PJA2: variants seen among roughly 807,000 people sequenced by gnomAD.
PJA2 encodes praja ring finger ubiquitin ligase 2.
In PJA2, 25 loss-of-function variants were observed where a neutral mutation model predicts 69.3. The ratio of observed to expected loss-of-function variants is 0.36; its 90% CI spans 0.26 to 0.50. The LOEUF is 0.50. PJA2 is among the 20% of genes least tolerant of loss of function. PJA2 has a pLI of 0.96. For synonymous variants in PJA2, 308 were observed against 277.8 expected (o/e 1.11, Z -1.08); for missense variants, 809 against 830.2 (o/e 0.97, Z 0.31).
chr5:109,397,990 A>C (rs957582123), intron 1 of PJA2, among the ~76,000 whole-genome samples: 2 of 152,234 alleles, frequency 1.3e-5, no homozygotes, highest in African/African-American at 4.8e-5. Flanking sequence ...AAGTGGGTGA[A>C]GGATAGGAAC....
At chr5:109,402,099 TAA>T (rs1035601677) in intron 1 of PJA2, among the ~76,000 whole-genome samples, 22 of 152,104 alleles carry the variant, frequency 1.4e-4, no homozygotes, top group African/African-American at 5.1e-4. Context: ...ATTAACTTTT[TAA>T]AAGAGAGGAA....
intron 3 of PJA2, among the ~76,000 whole-genome samples, chr5:109,381,294 T>C (rs576044867): frequency 6.6e-6 from 1 of 152,312 alleles, no homozygotes; most frequent in East Asian, 1.9e-4. Flanking sequence ...TATATTTTAA[T>C]GATTGGCTGT....
chr5:109,367,143 A>ATATAT (rs1554054262), intron 5 of PJA2, among the ~76,000 whole-genome samples: 3 of 143,214 alleles, frequency 2.1e-5, no homozygotes, highest in Non-Finnish European at 4.5e-5. Context: ...CAAAAAAAAA[A>ATATAT]ATATATATAT....
intron 1 of PJA2, among the ~76,000 whole-genome samples, chr5:109,406,460 A>T (rs1747695494): frequency 6.6e-6 from 1 of 152,240 alleles, no homozygotes; most frequent in East Asian, 1.9e-4. Flanking sequence ...TGCAAATCAA[A>T]ATCCCAGTAT....
At position 109,381,615 on chromosome 5, in the gene PJA2, A is replaced by G; in HGVS notation, c.120T>C (p.His40=). 4 of 1,614,146 alleles carry G rather than the reference A, an allele frequency of 2.5e-6. No individual in the cohort carries two copies. The highest frequency in any genetic ancestry group is 3.4e-6 in the Non-Finnish European group (4 of 1,180,018). The part of the protein sequence containing the change: ...TITGRRYGRR[H]AYVSFKPCMT... ...TACATGGTTTAAAACTGACATAAGC[A>G]TGTCTTCTTCCATATCTCCTGCCTG... is the stretch of plus-strand genomic sequence containing the variant. Residue 40 remains histidine, a synonymous_variant, in exon 3 of 10, where the codon CAT becomes CAC. Coordinates refer to ENST00000361189, the MANE Select transcript of PJA2 (RefSeq NM_014819.5).
chr5:109,356,187 G>C (rs1412027804), intron 6 of PJA2, among the ~76,000 whole-genome samples, 161 bp from the exon 7 acceptor site: 1 of 152,102 alleles, frequency 6.6e-6, no homozygotes, highest in African/African-American at 2.4e-5. Context: ...AGGGGCAGGA[G>C]GGACCCAACA....
chr5:109,338,456 A>G (rs1353655061), intron 9 of PJA2, among the ~76,000 whole-genome samples: 5 of 152,084 alleles, frequency 3.3e-5, no homozygotes, highest in African/African-American at 9.7e-5. Flanking sequence ...CCTGGGCAAC[A>G]TGGTGAAACC....
At position 109,356,023 on chromosome 5, in the gene PJA2, T is replaced by G. The variant is rs1762406914; in HGVS notation, c.1656A>C (p.Leu552=). 1 of 1,594,412 alleles carries G rather than the reference T, an allele frequency of 6.3e-7. No individual in the cohort carries two copies. Among genetic ancestry groups the G allele is most frequent in the Non-Finnish European group, 8.5e-7 (1 of 1,174,462 alleles). The change falls in exon 7 of 10, where the codon CTA becomes CTC. Residue 552 remains leucine, a synonymous_variant. Transcript: ENST00000361189. ...VSEDLDVDWS[L]FDGFADGLGV... ...CTAGTCCATCTGCAAAGCCATCAAA[T>G]AGGCTGAAAAAAAAAAAAAATAACA...
intron 1 of PJA2, among the ~76,000 whole-genome samples, chr5:109,393,194 C>T (rs1328471067): frequency 6.6e-6 from 1 of 152,080 alleles, no homozygotes; most frequent in Non-Finnish European, 1.5e-5. Context: ...CTGAGACGCA[C>T]TCCAGAAAAG....
rs1483866123 is a variant in PJA2 at position 109,337,316 on chromosome 5, G to A, written c.2042C>T (p.Ala681Val). ...AGGAGCTGCAGATGCTTCAATAACC[G>A]CAGGTGGGAAATGACGGCGGCACAC... ...CPVCRRHFPP[A>V]VIEASAAPSS... Residue 681 changes from alanine (A) to valine (V), a missense_variant, in exon 10 of 10, where the codon GCG (alanine) becomes GTG (valine). Around this residue, in one of 4 missense-constraint regions of PJA2, gnomAD observed 35 missense variants for 37.0 expected, o/e 0.94. Transcript: ENST00000361189. The A allele has an allele frequency of 1.2e-5, 19 of 1,612,880 alleles. No homozygotes were observed. Among genetic ancestry groups the A allele is most frequent in the Middle Eastern group, 1.7e-4 (1 of 6,052 alleles).
chr5:109,344,196 T>C lies in PJA2; in HGVS notation c.1995A>G (p.Leu665=). The C allele has an allele frequency of 6.2e-7, 1 of 1,601,212 alleles. No homozygotes were observed. Among genetic ancestry groups the C allele is most frequent in the Non-Finnish European group, 8.5e-7 (1 of 1,173,124 alleles). ...FFHKPCVSIW[L]QKSGTCPVCR... ...TAATTATTCTATCACTCACCTTTTGTAGCCAAATTGAGACACAAGGTTTGT... is the reference window on the plus strand; with the variant it reads ...TAATTATTCTATCACTCACCTTTTGCAGCCAAATTGAGACACAAGGTTTGT... The change falls in exon 9 of 10, where the codon CTA becomes CTG. Residue 665 remains leucine, a synonymous_variant. Coordinates refer to ENST00000361189, the MANE Select transcript of PJA2 (RefSeq NM_014819.5).
At chr5:109,357,859 T>A (rs74604836) in intron 6 of PJA2, among the ~76,000 whole-genome samples, 3 of 152,236 alleles carry the variant, frequency 2.0e-5, no homozygotes, top group African/African-American at 7.2e-5. Context: ...CTTCAAACGA[T>A]TGAAGACAAC....
intron 8 of PJA2, 150 bp downstream of exon 8, chr5:109,344,555 T>A: frequency 1.6e-6 from 1 of 634,332 alleles, no homozygotes; most frequent in Non-Finnish European, 2.6e-6. Context: ...AATATTCTTG[T>A]ACTAGGTGAA....
intron 1 of PJA2, among the ~76,000 whole-genome samples, chr5:109,384,026 C>T (rs982042720): frequency 6.6e-6 from 1 of 152,204 alleles, no homozygotes; most frequent in East Asian, 1.9e-4. Context: ...AGATTTACAT[C>T]TGCTCTTGAT....
intron 7 of PJA2, among the ~76,000 whole-genome samples, chr5:109,353,774 A>G (rs1365830302): frequency 7.2e-6 from 1 of 139,466 alleles, no homozygotes; most frequent in Non-Finnish European, 1.6e-5. Flanking sequence ...AGAGATATCT[A>G]TAGATTAGAT....
rs1270255298 is a variant in PJA2 at position 109,378,543 on chromosome 5, C to A, written c.944G>T (p.Arg315Met). ...NHGSSPEQVV[R>M]PKVRKLISSS... ...ACTTATCAGTTTTCTAACTTTTGGC[C>A]TCACTACCTGTTCAGGAGAACTTCC... The change falls in exon 4 of 10, where the codon AGG (arginine) becomes ATG (methionine). Residue 315 changes from arginine (R) to methionine (M), a missense_variant. Physicochemically the swap from Arg to Met is moderately conservative, Grantham distance 91. Around this residue, in one of 4 missense-constraint regions of PJA2, gnomAD observed 700 missense variants for 639.5 expected, o/e 1.09. Transcript: ENST00000361189. The A allele has an allele frequency of 6.2e-7, 1 of 1,614,022 alleles. No homozygotes were observed. Among genetic ancestry groups the A allele is most frequent in the Non-Finnish European group, 8.5e-7 (1 of 1,180,022 alleles).
intron 9 of PJA2, among the ~76,000 whole-genome samples, chr5:109,338,064 C>T (rs114775338): frequency 3.9e-5 from 6 of 152,106 alleles, no homozygotes; most frequent in Admixed American, 3.9e-4. Flanking sequence ...GACCAATGGA[C>T]GATTATAGAG....
Position 109,378,281 on chromosome 5 carries a change from T to G in PJA2, c.1206A>C (p.Ala402=). ...AGGTGTTATCCACCTCTTGCCTTCC[T>G]GCTGTGGCTCCACTTTCTGATGTCA... The part of the protein sequence containing the change: ...NQMTSESGAT[A]GRQEVDNTFW... Residue 402 remains alanine, a synonymous_variant, in exon 4 of 10, where the codon GCA becomes GCC. Transcript: ENST00000361189. 6.2e-7 allele frequency: 1 copy of G among 1,613,886 alleles called. No individual in the cohort carries two copies. Among genetic ancestry groups the G allele is most frequent in the Non-Finnish European group, 8.5e-7 (1 of 1,179,890 alleles).
At chr5:109,405,375 C>T (rs2032172139) in intron 1 of PJA2, among the ~76,000 whole-genome samples, 1 of 152,178 alleles carries the variant, frequency 6.6e-6, no homozygotes, top group African/African-American at 2.4e-5. Context: ...TCGACACAAA[C>T]CAAATTAAAA....
Sources: gnomAD v4.1 joint callset for allele counts (sites outside exome capture counted in the v4.1 genomes callset) on GRCh38, gnomAD v4.1.1 for gene constraint, gnomAD v4.1.1 regional missense constraint, MANE v1.5 for transcripts, NCBI Gene and HGNC (gene_info 2026-07-23, HGNC 2026-07-21) for gene names.